The following ASIC2 variants were observed in gnomAD, a reference collection of about 807,000 sequenced individuals.
ASIC2 encodes acid-sensing ion channel 2.
In ASIC2, 25 loss-of-function variants were observed where a neutral mutation model predicts 57.3. That is an observed-to-expected ratio of 0.44 (90% CI 0.32 to 0.61). The LOEUF (loss-of-function observed/expected upper bound fraction) is 0.61, where lower values mean the gene tolerates loss of function less well. Among genes scored for constraint, ASIC2 ranks in the 20% least tolerant of loss-of-function variants. ASIC2 has a pLI of 0.06. For synonymous variants in ASIC2, 319 were observed against 307.5 expected (o/e 1.04, Z -0.39); for missense variants, 641 against 738.1 (o/e 0.87, Z 1.52).
chr17:33,058,249 A>G (rs1409790800), intron 3 of ASIC2, among the ~76,000 whole-genome samples: 1 of 152,134 alleles, frequency 6.6e-6, no homozygotes, highest in Admixed American at 6.5e-5. Context: ...AAACCGAGGC[A>G]CAGCTGTTCA....
At chr17:33,679,208 T>C (rs1907922911) in intron 1 of ASIC2, among the ~76,000 whole-genome samples, 1 of 152,160 alleles carries the variant, frequency 6.6e-6, no homozygotes, top group South Asian at 2.1e-4. Context: ...TTACCTCCTT[T>C]ATAGAAGGAA....
chr17:33,473,556 G>A (rs768350828), intron 1 of ASIC2, among the ~76,000 whole-genome samples: 1 of 152,166 alleles, frequency 6.6e-6, no homozygotes, highest in Non-Finnish European at 1.5e-5. Flanking sequence ...TGCAGGCTGA[G>A]TTAGGAAGTA....
At chr17:33,633,089 T>C (rs1906226658) in intron 1 of ASIC2, among the ~76,000 whole-genome samples, 1 of 152,162 alleles carries the variant, frequency 6.6e-6, no homozygotes, top group Non-Finnish European at 1.5e-5. Context: ...GAAGGCAACA[T>C]GATTTTGCCT....
intron 1 of ASIC2, among the ~76,000 whole-genome samples, chr17:33,838,571 A>C (rs140074852): frequency 2.2e-4 from 33 of 152,326 alleles, no homozygotes; most frequent in Admixed American, 2.2e-3. Flanking sequence ...GAGTCAGGCT[A>C]TCTCAGTTGT....
At chr17:33,338,222 G>C (rs906322457) in intron 1 of ASIC2, among the ~76,000 whole-genome samples, 4 of 150,768 alleles carry the variant, frequency 2.7e-5, no homozygotes, top group Admixed American at 2.0e-4. Flanking sequence ...AGGATGGTGA[G>C]GTTTCTCTGA....
At chr17:33,119,115 A>C (rs2092291764) in intron 1 of ASIC2, among the ~76,000 whole-genome samples, 1 of 152,182 alleles carries the variant, frequency 6.6e-6, no homozygotes, top group Non-Finnish European at 1.5e-5. Context: ...AGGACTGTTG[A>C]AACATCCACT....
Position 34,099,162 on chromosome 17 carries a change from G to GAGAAAGAA in ASIC2, c.555+56808_555+56815dup, listed in dbSNP as rs759417669. On this transcript the variant is annotated intron_variant, in intron 1 of 9. Transcript: ENST00000359872. ...AGAGAGAGACAGAGAGAGAGAGAGAGAGAAAGAAAGAAAGAAAGAAAGAAA... is the reference window on the plus strand; with the variant it reads ...AGAGAGAGACAGAGAGAGAGAGAGAGAGAAAGAAAGAAAGAAAGAAAGAAAGAAAGAAA... 5.0e-4 allele frequency among the ~76,000 whole-genome samples: 21 copies of GAGAAAGAA among 41,956 alleles called. 1 individual carries two copies. Among genetic ancestry groups the GAGAAAGAA allele is most frequent in the Non-Finnish European group, 8.1e-4 (15 of 18,564 alleles). The allele number at this position is 41,956 out of a possible 152,430, so 27.5% of individuals were successfully genotyped here. A position where few individuals can be genotyped will look rare whatever the true frequency, so the allele number is the denominator to read the frequency against.
intron 1 of ASIC2, among the ~76,000 whole-genome samples, chr17:33,862,794 C>A (rs1597906727): frequency 6.6e-6 from 1 of 152,318 alleles, no homozygotes; most frequent in African/African-American, 2.4e-5. Context: ...AATGGCCAGC[C>A]TTCTAGTTCA....
rs75392443 is a variant in ASIC2, at chr17:33,973,144, C to T, written c.555+182834G>A. Among the ~76,000 whole-genome samples the T allele has an allele frequency of 6.4e-3, 974 of 152,352 alleles. 11 individuals carry two copies. Among genetic ancestry groups the T allele is most frequent in the African/African-American group, 0.021 (889 of 41,576 alleles). On this transcript the variant is annotated intron_variant, in intron 1 of 9. Transcript: ENST00000359872. ...CTGGGCTGGAAGCAGGAGCAGAAAC[C>T]TTCTCCACAGAGACTGAGGTGGAAC...
At chr17:33,088,014 C>G (rs1398570697) in intron 3 of ASIC2, among the ~76,000 whole-genome samples, 1 of 152,156 alleles carries the variant, frequency 6.6e-6, no homozygotes, top group East Asian at 1.9e-4. Context: ...CGTCATGGTT[C>G]TCCCTGAGTC....
chr17:33,509,547 C>G (rs963937382), intron 1 of ASIC2, among the ~76,000 whole-genome samples: 2 of 152,158 alleles, frequency 1.3e-5, no homozygotes, highest in African/African-American at 2.4e-5. Context: ...TGCCCAGGCT[C>G]CAGTTAGCAG....
At position 33,111,827 on chromosome 17, in the gene ASIC2, A is replaced by G. The variant is rs111566277; in HGVS notation, c.859+90T>C. 3.9e-3 allele frequency: 5,752 copies of G among 1,489,092 alleles called. 169 individuals are homozygous for G. The African/African-American group carries it at 0.067, about 17-fold the overall frequency. The allele number at this position is 1,489,092 out of a possible 1,614,324, so 92.2% of individuals were successfully genotyped here. ...CCCTTGCTGGAGAGCAGTCCCTCAC[A>G]GGGTGGGCCAAGACAGCTCACCAGC... is the stretch of plus-strand genomic sequence containing the variant. On this transcript the variant is annotated intron_variant, in intron 2 of 9. Transcript: ENST00000225823.
chr17:33,977,180 G>A (rs989903330), intron 1 of ASIC2, among the ~76,000 whole-genome samples: 2 of 151,778 alleles, frequency 1.3e-5, no homozygotes, highest in East Asian at 1.9e-4. Flanking sequence ...CAATTCCACC[G>A]GGGGCATTTC....
At chr17:33,677,329 A>C (rs1907857533) in intron 1 of ASIC2, among the ~76,000 whole-genome samples, 1 of 152,186 alleles carries the variant, frequency 6.6e-6, no homozygotes, top group South Asian at 2.1e-4. Flanking sequence ...AGTTGAAGCC[A>C]ATGCTCATTC....
intron 3 of ASIC2, among the ~76,000 whole-genome samples, chr17:33,058,789 G>T (rs1057021218): frequency 1.1e-4 from 16 of 152,006 alleles, no homozygotes; most frequent in South Asian, 4.1e-4. Context: ...CGTAAGGAAA[G>T]AATTAAAATT....
At chr17:33,941,311 T>G (rs141391042) in intron 1 of ASIC2, among the ~76,000 whole-genome samples, 14 of 152,114 alleles carry the variant, frequency 9.2e-5, no homozygotes, top group Non-Finnish European at 1.6e-4. Context: ...AAGAAAAGCT[T>G]CAGATCTGCC....
At chr17:33,070,584 C>A (rs1324249266) in intron 3 of ASIC2, among the ~76,000 whole-genome samples, 1 of 152,152 alleles carries the variant, frequency 6.6e-6, no homozygotes, top group Non-Finnish European at 1.5e-5. Context: ...GATCCGCCCA[C>A]CTCAGCCTCC....
intron 1 of ASIC2, among the ~76,000 whole-genome samples, chr17:33,268,977 T>A (rs2142154629): frequency 6.6e-6 from 1 of 152,230 alleles, no homozygotes; most frequent in Non-Finnish European, 1.5e-5. Flanking sequence ...TTCATTTCCA[T>A]CTTTACAGAA....
chr17:33,490,553 T>TA (rs1365114597), intron 1 of ASIC2, among the ~76,000 whole-genome samples: 2 of 152,196 alleles, frequency 1.3e-5, no homozygotes, highest in Non-Finnish European at 2.9e-5. Flanking sequence ...TGATAGTGAA[T>TA]AAGTCTCATG....
Sources: gnomAD v4.1 joint callset for allele counts (sites outside exome capture counted in the v4.1 genomes callset) on GRCh38, gnomAD v4.1.1 for gene constraint, MANE v1.5 for transcripts, NCBI Gene and HGNC (gene_info 2026-07-23, HGNC 2026-07-21) for gene names.